KCNU1: variants seen among roughly 807,000 people sequenced by gnomAD.
KCNU1 encodes the protein potassium channel subfamily U member 1.
Under a neutral mutation model 126.8 loss-of-function variants are expected in KCNU1, and 93 were observed. That is an observed-to-expected ratio of 0.73 (90% CI 0.62 to 0.87). The LOEUF is 0.87. Ranked by LOEUF, KCNU1 falls within the 40% of genes least tolerant of loss-of-function variation. KCNU1 has a pLI of 0.00. For synonymous variants in KCNU1, 523 were observed against 494.2 expected (o/e 1.06, Z -0.77); for missense variants, 1,330 against 1,367.1 (o/e 0.97, Z 0.43).
chr8:36,929,387 CAAA>C (rs35835813), intron 24 of KCNU1, among the ~76,000 whole-genome samples: 34,168 of 98,658 alleles, frequency 0.35, 3,607 homozygotes, highest in Non-Finnish European at 0.4. Context: ...GACCCTGTCT[CAAA>C]AAAAAAAAAA....
rs1808394393 is a variant in KCNU1 at position 36,922,560 on chromosome 8, G to A, written c.2667G>A (p.Leu889=). The part of the protein sequence containing the change: ...GLEGSLQETN[L]HLSTAFSTGT... ...AAGGGTCCCTCCAAGAAACAAATCTGCATCTCAGCACTGCCTTTTCTACGG... is the reference window on the plus strand; with the variant it reads ...AAGGGTCCCTCCAAGAAACAAATCTACATCTCAGCACTGCCTTTTCTACGG... Residue 889 remains leucine, a synonymous_variant, in exon 24 of 27, where the codon CTG becomes CTA. Coordinates refer to ENST00000399881, the MANE Select transcript of KCNU1 (RefSeq NM_001031836.3). 6.2e-7 allele frequency: 1 copy of A among 1,613,568 alleles called. No individual in the cohort carries two copies. Among genetic ancestry groups the A allele is most frequent in the African/African-American group, 1.3e-5 (1 of 74,876 alleles).
intron 2 of KCNU1, among the ~76,000 whole-genome samples, chr8:36,790,116 G>GA (rs1802852825): frequency 6.6e-6 from 1 of 152,138 alleles, no homozygotes; most frequent in Non-Finnish European, 1.5e-5. Context: ...TCAAAAGTAA[G>GA]CCAGGAAAAT....
At chr8:36,838,928 T>C (rs1039929957) in intron 14 of KCNU1, among the ~76,000 whole-genome samples, 9 of 152,308 alleles carry the variant, frequency 5.9e-5, no homozygotes, top group Middle Eastern at 6.8e-3. Context: ...GTGCTTTCAA[T>C]TCTATAACAA....
intron 19 of KCNU1, among the ~76,000 whole-genome samples, chr8:36,882,732 C>A (rs562131091): frequency 2.6e-5 from 4 of 152,046 alleles, no homozygotes; most frequent in Admixed American, 6.6e-5. Flanking sequence ...TACAGGCATG[C>A]GCCACCACAC....
intron 19 of KCNU1, among the ~76,000 whole-genome samples, chr8:36,886,475 C>T (rs564439808): frequency 6.6e-5 from 10 of 152,226 alleles, no homozygotes; most frequent in East Asian, 3.9e-4. Context: ...TCCCACAAGC[C>T]GGGAAGTGTG....
chr8:36,900,385 G>A (rs1430850764), intron 19 of KCNU1, among the ~76,000 whole-genome samples: 8 of 151,582 alleles, frequency 5.3e-5, no homozygotes, highest in Admixed American at 6.6e-5. Context: ...AAAATAAAAC[G>A]CCTCATAAAG....
chr8:36,875,826 C>G (rs1806260422), intron 19 of KCNU1, among the ~76,000 whole-genome samples: 1 of 152,110 alleles, frequency 6.6e-6, no homozygotes, highest in South Asian at 2.1e-4. Context: ...GGATTTTACA[C>G]TGTTTAGGTA....
Position 36,866,142 on chromosome 8 carries a change from G to A in KCNU1, c.2009+1621G>A, listed in dbSNP as rs144758182. ...ATTATTGCAATGATCAATTCTCATA[G>A]CGAGGAAGGTATTTAGAATTGGGCT... is the stretch of plus-strand genomic sequence containing the variant. On this transcript the variant is annotated intron_variant, in intron 19 of 26. Transcript: ENST00000399881. Among the ~76,000 whole-genome samples, 14 of 152,258 alleles carry A rather than the reference G, an allele frequency of 9.2e-5. No homozygotes were observed. The East Asian group carries it at 1.7e-3, about 19-fold the overall frequency.
chr8:36,828,756 G>A (rs1275510724), intron 10 of KCNU1, among the ~76,000 whole-genome samples: 2 of 152,024 alleles, frequency 1.3e-5, no homozygotes, highest in East Asian at 3.9e-4. Flanking sequence ...CTGTGTGCAT[G>A]TTTATGTGCA....
In KCNU1 at chr8:36,806,326, A is replaced by T. The variant is rs777380701; in HGVS notation, c.526A>T (p.Ile176Phe). The change falls in exon 5 of 27, where the codon ATC (isoleucine) becomes TTC (phenylalanine). Residue 176 changes from isoleucine to phenylalanine, a missense_variant. Ile to Phe is a conservative substitution (Grantham distance 21). Transcript: ENST00000399881. ...FWLEMNSIVD[I>F]FTIPPTFISY... ...GCTGGAGATGAATTCAATCGTAGAC[A>T]TCTTTACCATCCCACCAACCTTTAT... The T allele has an allele frequency of 6.2e-7, 1 of 1,611,900 alleles. No individual in the cohort carries two copies. The highest frequency in any genetic ancestry group is 8.5e-7 in the Non-Finnish European group (1 of 1,178,932).
chr8:36,817,808 A>G (rs767218544), intron 10 of KCNU1, 48 bp downstream of exon 10: 3 of 897,546 alleles, frequency 3.3e-6, no homozygotes, highest in African/African-American at 1.6e-5. Context: ...TACTTAAAAT[A>G]CGTGTGAATA....
intron 24 of KCNU1, among the ~76,000 whole-genome samples, chr8:36,926,335 A>G (rs1309037784): frequency 6.6e-6 from 1 of 152,174 alleles, no homozygotes; most frequent in African/African-American, 2.4e-5. Context: ...CTTGCAACAC[A>G]GGGATTTTCA....
intron 19 of KCNU1, among the ~76,000 whole-genome samples, chr8:36,891,218 T>A (rs1585520439): frequency 6.6e-6 from 1 of 151,906 alleles, no homozygotes; most frequent in African/African-American, 2.4e-5. Context: ...TTATTAGTGG[T>A]TGCCTTGGAG....
chr8:36,831,348 T>C (rs964305292), intron 10 of KCNU1, among the ~76,000 whole-genome samples: 1 of 152,124 alleles, frequency 6.6e-6, no homozygotes, highest in African/African-American at 2.4e-5. Context: ...ACTTCCACAA[T>C]GGTTGAACTA....
At chr8:36,869,145 AC>A (rs1379400081) in intron 19 of KCNU1, among the ~76,000 whole-genome samples, 11 of 152,202 alleles carry the variant, frequency 7.2e-5, no homozygotes, top group Admixed American at 6.6e-5. Context: ...TAACACCATA[AC>A]CACAATAAAT....
chr8:36,923,719 T>C (rs1025508198), intron 24 of KCNU1, among the ~76,000 whole-genome samples: 2 of 152,192 alleles, frequency 1.3e-5, no homozygotes, highest in Admixed American at 1.3e-4. Flanking sequence ...TACTGCTGGG[T>C]CCTGCATCCA....
chr8:36,787,275 CA>C, intron 1 of KCNU1, 30 bp from the exon 2 acceptor site: 1 of 1,578,266 alleles, frequency 6.3e-7, no homozygotes, highest in South Asian at 1.2e-5. Context: ...AGATCCAGCT[CA>C]CATTGTCAAT....
At chr8:36,898,835 A>T (rs1344429320) in intron 19 of KCNU1, among the ~76,000 whole-genome samples, 1 of 151,956 alleles carries the variant, frequency 6.6e-6, no homozygotes, top group Non-Finnish European at 1.5e-5. Flanking sequence ...ATGCTGAAAA[A>T]AATTGGCTGA....
chr8:36,875,582 T>C (rs1310805819), intron 19 of KCNU1, among the ~76,000 whole-genome samples: 1 of 151,924 alleles, frequency 6.6e-6, no homozygotes, highest in Non-Finnish European at 1.5e-5. Flanking sequence ...GGCTTTGTAA[T>C]TGAGAGCAAT....
Sources: allele counts gnomAD v4.1 joint callset (sites outside exome capture counted in the v4.1 genomes callset), GRCh38; gene constraint gnomAD v4.1.1; transcripts MANE v1.5; gene names NCBI Gene and HGNC (gene_info 2026-07-23, HGNC 2026-07-21).